SIPA1L3: variants seen among roughly 807,000 people sequenced by gnomAD.
SIPA1L3 encodes signal-induced proliferation-associated 1-like protein 3.
SIPA1L3 carries 59 observed loss-of-function variants against 150.1 expected under a neutral mutation model. The observed-to-expected ratio is 0.39, with a 90% CI of 0.32 to 0.49. SIPA1L3 has a LOEUF of 0.49. SIPA1L3 is among the 20% of genes least tolerant of loss of function. The pLI is 0.86. For missense variants in SIPA1L3, 2,211 were observed against 2,489.5 expected, an observed-to-expected ratio of 0.89 and a Z score of 2.38; for synonymous variants, 1,070 against 1,077.6, an observed-to-expected ratio of 0.99 and a Z score of 0.14.
At chr19:38,180,426 T>G (rs1972529685) in intron 15 of SIPA1L3, among the ~76,000 whole-genome samples, 1 of 152,176 alleles carries the variant, frequency 6.6e-6, no homozygotes, top group Non-Finnish European at 1.5e-5. Context: ...CCTCCCAAAG[T>G]GCTGGGATTA....
rs376882935 is a variant in SIPA1L3, at chr19:38,044,885, C to G, written c.-311+15729C>G. ...TTTACTTAGTGCCTGGTGCCACCAA[C>G]AGGACTGACGTGGCATCCCCATCTA... On this transcript the variant is annotated intron_variant, in intron 2 of 21. Coordinates refer to ENST00000222345, the MANE Select transcript of SIPA1L3 (RefSeq NM_015073.3). Among the ~76,000 whole-genome samples the G allele has an allele frequency of 9.9e-5, 15 of 152,156 alleles. No homozygotes were observed. In the East Asian group the frequency reaches 2.9e-3, roughly 30 times the overall value.
chr19:37,987,550 A>T lies in SIPA1L3; in HGVS notation c.-378-41539A>T, dbSNP rs962897212. Among the ~76,000 whole-genome samples the T allele has an allele frequency of 2.0e-5, 3 of 152,050 alleles. No homozygotes were observed. The East Asian group carries it at 5.8e-4, about 29-fold the overall frequency. ...CTACCCACTAGATGCCAGTAACAGC[A>T]CCCCCCAGCGGGGATCATCAAAAGT... is the stretch of plus-strand genomic sequence containing the variant. On this transcript the variant is annotated intron_variant, in intron 1 of 21. Transcript: ENST00000222345.
intron 1 of SIPA1L3, among the ~76,000 whole-genome samples, chr19:37,989,804 G>A (rs1967454149): frequency 1.3e-5 from 2 of 151,868 alleles, no homozygotes. Flanking sequence ...TAAGTAGCTG[G>A]GATTGCAGAC....
chr19:37,993,950 A>G (rs1967573793), intron 1 of SIPA1L3, among the ~76,000 whole-genome samples: 1 of 152,164 alleles, frequency 6.6e-6, no homozygotes, highest in Non-Finnish European at 1.5e-5. Flanking sequence ...GCTGGAGAGC[A>G]GTGGCACAAT....
At position 38,130,689 on chromosome 19, in the gene SIPA1L3, C is replaced by T. The variant is rs577139627; in HGVS notation, c.3060C>T (p.His1020=). ...AGGTGGCCGTGGTCACACTGACCCA[C>T]GACCAGATGATCGACCTGCTGCGCA... ...ICKVAVVTLT[H]DQMIDLLRTS... Residue 1020 remains histidine, a synonymous_variant, in exon 10 of 22, where the codon CAC becomes CAT. Transcript: ENST00000222345. The T allele has an allele frequency of 1.2e-5, 19 of 1,614,080 alleles. No individual in the cohort carries two copies. Among genetic ancestry groups the T allele is most frequent in the African/African-American group, 6.7e-5 (5 of 75,074 alleles).
At chr19:37,929,219 G>T (rs978353052) in intron 1 of SIPA1L3, among the ~76,000 whole-genome samples, 33 of 152,192 alleles carry the variant, frequency 2.2e-4, no homozygotes, top group African/African-American at 8.0e-4. Context: ...GCCGGGGCCA[G>T]CCTTACCTGA....
At chr19:37,923,832 T>C (rs1232424718) in intron 1 of SIPA1L3, among the ~76,000 whole-genome samples, 1 of 152,090 alleles carries the variant, frequency 6.6e-6, no homozygotes, top group Non-Finnish European at 1.5e-5. Flanking sequence ...CGATCTTAGC[T>C]CACTGCAACC....
intron 15 of SIPA1L3, among the ~76,000 whole-genome samples, chr19:38,170,352 G>A (rs73026468): frequency 0.011 from 1,716 of 152,302 alleles, 20 homozygotes; most frequent in Middle Eastern, 0.031. Context: ...ACGTGCCTCT[G>A]CCTCCCATGG....
chr19:38,038,085 G>T (rs1968830477), intron 2 of SIPA1L3, among the ~76,000 whole-genome samples: 1 of 152,222 alleles, frequency 6.6e-6, no homozygotes, highest in African/African-American at 2.4e-5. Context: ...ATAGAAGCCA[G>T]TGTGAGAGTA....
intron 2 of SIPA1L3, among the ~76,000 whole-genome samples, chr19:38,053,277 G>A (rs1969239626): frequency 6.6e-6 from 1 of 152,208 alleles, no homozygotes; most frequent in African/African-American, 2.4e-5. Flanking sequence ...GATTGCTAAG[G>A]TGACCTGGGC....
rs1462587571 is a variant in SIPA1L3, at chr19:38,164,649, C to T, written c.3951C>T (p.Thr1317=). 1.2e-6 allele frequency: 2 copies of T among 1,614,078 alleles called. No homozygotes were observed. Among genetic ancestry groups the T allele is most frequent in the Non-Finnish European group, 1.7e-6 (2 of 1,180,044 alleles). ...GCGGCATCGACACCACCCTCTACACCTCCAGCCCTAGCTGCATGTCCCTGG... is the reference window on the plus strand; with the variant it reads ...GCGGCATCGACACCACCCTCTACACTTCCAGCCCTAGCTGCATGTCCCTGG... The part of the protein sequence containing the change: ...SDSGIDTTLY[T]SSPSCMSLAK... Residue 1317 remains threonine (T), a synonymous_variant, in exon 15 of 22, where the codon ACC becomes ACT. Transcript: ENST00000222345. This position sits in a 1 kb window ranked among gnomAD's most constrained non-coding sequence, Gnocchi z 4.1.
intron 1 of SIPA1L3, among the ~76,000 whole-genome samples, chr19:37,927,308 C>T (rs1456873608): frequency 2.6e-5 from 4 of 151,954 alleles, no homozygotes; most frequent in Admixed American, 6.6e-5. Flanking sequence ...CAACCATGCC[C>T]GGCTAAACTT....
intron 2 of SIPA1L3, among the ~76,000 whole-genome samples, chr19:38,063,795 G>A (rs988864643): frequency 1.3e-5 from 2 of 152,184 alleles, no homozygotes; most frequent in Admixed American, 6.5e-5. Context: ...CACTCAGCCC[G>A]TTTAGGGCAG....
intron 1 of SIPA1L3, among the ~76,000 whole-genome samples, chr19:38,005,862 A>G (rs554557783): frequency 1.3e-5 from 2 of 152,326 alleles, no homozygotes; most frequent in South Asian, 4.1e-4. Flanking sequence ...AGCCTGGACA[A>G]CATGCTGAAA....
chr19:38,094,327 C>T (rs1198313163), intron 4 of SIPA1L3, among the ~76,000 whole-genome samples: 1 of 152,126 alleles, frequency 6.6e-6, no homozygotes, highest in Non-Finnish European at 1.5e-5. Flanking sequence ...TAGCTCACTG[C>T]AGCCTCGAAT....
intron 1 of SIPA1L3, among the ~76,000 whole-genome samples, chr19:37,985,387 G>A (rs1967322374): frequency 6.6e-6 from 1 of 152,098 alleles, no homozygotes; most frequent in Non-Finnish European, 1.5e-5. Flanking sequence ...TTTTAGTCAA[G>A]TGTGATGGCA....
In SIPA1L3 at chr19:38,166,706, A is replaced by G. The variant is rs577583762; in HGVS notation, c.4208+1800A>G. On this transcript the variant is annotated intron_variant, in intron 15 of 21. Coordinates refer to ENST00000222345, the MANE Select transcript of SIPA1L3 (RefSeq NM_015073.3). ...CCAGCCCCTGAGTCCACAGCCCCACATCCCTTCCTGACCATGCCTGGGGTG... is the reference window on the plus strand; with the variant it reads ...CCAGCCCCTGAGTCCACAGCCCCACGTCCCTTCCTGACCATGCCTGGGGTG... Among the ~76,000 whole-genome samples, 217 of 152,120 alleles carry G rather than the reference A, an allele frequency of 1.4e-3. 2 individuals are homozygous for G. In the East Asian group the frequency reaches 0.018, roughly 13 times the overall value.
intron 12 of SIPA1L3, among the ~76,000 whole-genome samples, chr19:38,151,007 AC>A (rs1971809333): frequency 6.6e-6 from 1 of 152,138 alleles, no homozygotes; most frequent in African/African-American, 2.4e-5. Flanking sequence ...GGGAGGGTGA[AC>A]CCAGCATCTT....
chr19:37,960,221 TCA>T (rs1314061269), intron 1 of SIPA1L3, among the ~76,000 whole-genome samples: 2 of 152,188 alleles, frequency 1.3e-5, no homozygotes, highest in African/African-American at 4.8e-5. Context: ...GTGAATTCTC[TCA>T]GTCTTTGTCT....
Sources: allele counts gnomAD v4.1 joint callset (sites outside exome capture counted in the v4.1 genomes callset), GRCh38; gene constraint gnomAD v4.1.1; non-coding constraint Gnocchi (gnomAD v3.1); transcripts MANE v1.5; gene names NCBI Gene and HGNC (gene_info 2026-07-23, HGNC 2026-07-21).